The following PDE4D variants were observed in gnomAD, a reference collection of about 807,000 sequenced individuals.
PDE4D encodes 3',5'-cyclic-AMP phosphodiesterase 4D.
Under a neutral mutation model 87.4 loss-of-function variants are expected in PDE4D, and 24 were observed. The ratio of observed to expected loss-of-function variants is 0.27; its 90% CI spans 0.20 to 0.39. The LOEUF is 0.39. PDE4D is among the 10% of genes least tolerant of loss of function. The probability of loss-of-function intolerance (pLI) is 1.00; values close to 1 mark genes in which losing one functional copy is unlikely to be tolerated. For synonymous variants in PDE4D, 384 were observed against 383.2 expected (o/e 1.00, Z -0.02); for missense variants, 714 against 1,041.0 (o/e 0.69, Z 4.32).
chr5:59,592,147 A>G lies in PDE4D; in HGVS notation c.455+301021T>C, dbSNP rs776325106. On this transcript the variant is annotated intron_variant, in intron 1 of 14. Transcript: ENST00000340635. ...TCTATCTCACCTTTACAGAAAGCCAATCCCCCAGGAACAGAACAGTGTCTT... is the reference window on the plus strand; with the variant it reads ...TCTATCTCACCTTTACAGAAAGCCAGTCCCCCAGGAACAGAACAGTGTCTT... 144 of 984,666 alleles carry G rather than the reference A, an allele frequency of 1.5e-4. 1 individual carries two copies. The Admixed American group carries it at 2.0e-3, about 13-fold the overall frequency. 61.0% of individuals were successfully genotyped at this position (984,666 alleles called of 1,614,324 possible).
intron 1 of PDE4D, among the ~76,000 whole-genome samples, chr5:59,701,152 G>C (rs1190366333): frequency 1.1e-4 from 16 of 152,002 alleles, no homozygotes; most frequent in Admixed American, 1.0e-3. Context: ...CTCTGTTCCT[G>C]CTATTCCTCT....
At chr5:60,177,260 G>A (rs960455196) in intron 2 of PDE4D, among the ~76,000 whole-genome samples, 8 of 152,042 alleles carry the variant, frequency 5.3e-5, no homozygotes, top group Non-Finnish European at 1.2e-4. Flanking sequence ...TGAAATGCAG[G>A]GGTCAAAATG....
At chr5:60,292,567 AC>A (rs1398930176) in intron 1 of PDE4D, among the ~76,000 whole-genome samples, 7 of 152,226 alleles carry the variant, frequency 4.6e-5, no homozygotes, top group African/African-American at 1.7e-4. Context: ...GTCTAATTCT[AC>A]TGAATGCTTT....
chr5:59,731,359 T>C (rs893170022), intron 1 of PDE4D, among the ~76,000 whole-genome samples: 1 of 151,924 alleles, frequency 6.6e-6, no homozygotes, highest in East Asian at 1.9e-4. Context: ...GGTCGTGAGA[T>C]GACAAGCACA....
intron 1 of PDE4D, among the ~76,000 whole-genome samples, chr5:60,471,771 A>C (rs1202358013): frequency 6.6e-6 from 1 of 152,206 alleles, no homozygotes; most frequent in African/African-American, 2.4e-5. Flanking sequence ...CACTTAATCA[A>C]CTACAGTATA....
chr5:60,442,379 G>T (rs908558137), intron 1 of PDE4D, among the ~76,000 whole-genome samples: 1 of 152,000 alleles, frequency 6.6e-6, no homozygotes, highest in African/African-American at 2.4e-5. Flanking sequence ...TCATAAGTGG[G>T]AGTTGAACGA....
At chr5:59,780,982 C>T (rs1211224560) in intron 1 of PDE4D, among the ~76,000 whole-genome samples, 3 of 151,826 alleles carry the variant, frequency 2.0e-5, no homozygotes, top group African/African-American at 4.8e-5. Context: ...GCCTGACTAA[C>T]GTGGTGAAAC....
At chr5:59,494,700 C>CA (rs1343274493) in intron 1 of PDE4D, among the ~76,000 whole-genome samples, 2 of 152,116 alleles carry the variant, frequency 1.3e-5, no homozygotes, top group Admixed American at 6.5e-5. Flanking sequence ...CTTTCTCTTT[C>CA]AAAAAACCAA....
chr5:59,300,073 C>T (rs571652317), intron 1 of PDE4D, among the ~76,000 whole-genome samples: 91 of 136,498 alleles, frequency 6.7e-4, no homozygotes, highest in Admixed American at 5.5e-3. Context: ...GATCACACCA[C>T]TGCACTCCAG....
At chr5:59,734,032 T>C (rs1017580694) in intron 1 of PDE4D, among the ~76,000 whole-genome samples, 1 of 152,010 alleles carries the variant, frequency 6.6e-6, no homozygotes, top group Admixed American at 6.6e-5. Context: ...TTTAATGAAA[T>C]AGATTATCAG....
rs1583836516 is a variant in PDE4D at position 60,460,220 on chromosome 5, A to T, written c.-90+27722T>A. On this transcript the variant is annotated intron_variant, in intron 1 of 16. Transcript: ENST00000502484. ...GAACATTTCATCAAATCCTTTCCAG[A>T]TTTCCATTTCATTTCAGTGGACTTT... 4.2e-6 allele frequency: 6 copies of T among 1,434,606 alleles called. No homozygotes were observed. In the East Asian group the frequency reaches 1.4e-4, roughly 33 times the overall value. The allele number at this position is 1,434,606 out of a possible 1,614,324, so 88.9% of individuals were successfully genotyped here.
At chr5:59,078,725 G>A (rs1007485691) in intron 5 of PDE4D, among the ~76,000 whole-genome samples, 2 of 151,996 alleles carry the variant, frequency 1.3e-5, no homozygotes, top group Non-Finnish European at 2.9e-5. Flanking sequence ...TGCTCAGGCA[G>A]GTTGGTCTCG....
intron 4 of PDE4D, among the ~76,000 whole-genome samples, chr5:59,180,895 A>C (rs1304313170): frequency 1.3e-5 from 2 of 152,196 alleles, no homozygotes; most frequent in African/African-American, 4.8e-5. Flanking sequence ...AGCTGATGTA[A>C]GTGTCACTGG....
At chr5:59,280,359 T>C (rs1046693451) in intron 1 of PDE4D, among the ~76,000 whole-genome samples, 1 of 152,120 alleles carries the variant, frequency 6.6e-6, no homozygotes, top group African/African-American at 2.4e-5. Flanking sequence ...ATACTAGTTT[T>C]TAAAACTAGA....
chr5:59,950,272 C>T (rs919962301), intron 3 of PDE4D, among the ~76,000 whole-genome samples: 2 of 152,046 alleles, frequency 1.3e-5, no homozygotes, highest in African/African-American at 4.8e-5. Flanking sequence ...TATTTTCAGC[C>T]CAGTAGCTAG....
At chr5:59,039,495 C>G in intron 5 of PDE4D, 1 of 985,594 alleles carries the variant, frequency 1.0e-6, no homozygotes, top group African/African-American at 1.7e-5. Context: ...CAGCCGCGGC[C>G]GGGTGCGCGG....
At chr5:59,865,361 A>C (rs1274136243) in intron 1 of PDE4D, among the ~76,000 whole-genome samples, 1 of 152,204 alleles carries the variant, frequency 6.6e-6, no homozygotes, top group Non-Finnish European at 1.5e-5. Flanking sequence ...AATAACTTAA[A>C]GTCTGTAAAT....
chr5:58,981,092 C>T (rs965580670), intron 11 of PDE4D, among the ~76,000 whole-genome samples: 1 of 152,150 alleles, frequency 6.6e-6, no homozygotes, highest in African/African-American at 2.4e-5. Flanking sequence ...TTTAATCAGT[C>T]TACCAATTCA....
At chr5:59,033,744 G>A (rs1482041785) in intron 6 of PDE4D, among the ~76,000 whole-genome samples, 4 of 151,870 alleles carry the variant, frequency 2.6e-5, no homozygotes, top group Admixed American at 6.6e-5. Flanking sequence ...CTTATGTTTC[G>A]GAATTTTTTT....
Sources: allele counts gnomAD v4.1 joint callset (sites outside exome capture counted in the v4.1 genomes callset), GRCh38; gene constraint gnomAD v4.1.1; transcripts MANE v1.5; gene names NCBI Gene and HGNC (gene_info 2026-07-23, HGNC 2026-07-21).